PHF3: variants seen among roughly 807,000 people sequenced by gnomAD.
PHF3 encodes PHD finger protein 3.
PHF3 carries 41 observed loss-of-function variants against 178.4 expected under a neutral mutation model. The observed-to-expected ratio is 0.23, with a 90% CI of 0.18 to 0.30. The LOEUF (loss-of-function observed/expected upper bound fraction) is 0.30, where lower values mean the gene tolerates loss of function less well. Among genes scored for constraint, PHF3 ranks in the 10% least tolerant of loss-of-function variants. PHF3 has a pLI of 1.00. For synonymous variants in PHF3, 842 were observed against 800.5 expected, an observed-to-expected ratio of 1.05 and a Z score of -0.88; for missense variants, 2,346 against 2,398.1, an observed-to-expected ratio of 0.98 and a Z score of 0.45.
At chr6:63,658,445 G>A (rs573402214) in intron 2 of PHF3, among the ~76,000 whole-genome samples, 1 of 152,178 alleles carries the variant, frequency 6.6e-6, no homozygotes, top group African/African-American at 2.4e-5. Context: ...GATGTACAAA[G>A]TCTGCCATAT....
chr6:63,666,089 T>C (rs1765670232), intron 2 of PHF3, among the ~76,000 whole-genome samples: 1 of 152,290 alleles, frequency 6.6e-6, no homozygotes, highest in African/African-American at 2.4e-5. Context: ...ACCGCTTTAG[T>C]TATACACACC....
intron 2 of PHF3, among the ~76,000 whole-genome samples, chr6:63,677,619 C>T (rs184514952): frequency 6.6e-6 from 1 of 152,300 alleles, no homozygotes; most frequent in Non-Finnish European, 1.5e-5. Context: ...ATCAGGCTTT[C>T]CTTCTGGTCT....
Position 63,712,344 on chromosome 6 carries a change from G to T in PHF3, c.4756G>T (p.Val1586Leu). 6.2e-7 allele frequency: 1 copy of T among 1,613,500 alleles called. No individual in the cohort carries two copies. Among genetic ancestry groups the T allele is most frequent in the Admixed American group, 1.7e-5 (1 of 59,866 alleles). Reference protein sequence around the residue: ...LSIQSKQEETVESKEKTLKRQ... With the variant: ...LSIQSKQEETLESKEKTLKRQ... ...AATTCAGTCAAAACAAGAGGAAACTGTGGAGAGTAAAGAGAAAACATTAAA... is the reference window on the plus strand; with the variant it reads ...AATTCAGTCAAAACAAGAGGAAACTTTGGAGAGTAAAGAGAAAACATTAAA... Residue 1586 changes from valine to leucine, a missense_variant, in exon 16 of 16, where the codon GTG becomes TTG. Physicochemically the swap from Val to Leu is conservative, Grantham distance 32 (BLOSUM62 1). This residue lies in a region of PHF3 where 839 missense variants were observed against 806.9 expected (regional missense o/e 1.04). Transcript: ENST00000262043.
intron 6 of PHF3, 97 bp downstream of exon 6, chr6:63,694,861 C>A: frequency 1.4e-6 from 1 of 696,532 alleles, no homozygotes; most frequent in Non-Finnish European, 2.0e-6. Flanking sequence ...ACAAATTTAA[C>A]ATTATTAAAT....
rs149128495 is a variant in PHF3 at position 63,652,892 on chromosome 6, G to T, written c.244+6097G>T. Among the ~76,000 whole-genome samples the T allele has an allele frequency of 3.0e-3, 458 of 152,040 alleles. 2 individuals carry two copies. The highest frequency in any genetic ancestry group is 5.8e-3 in the Non-Finnish European group (392 of 67,950). ...CTTTTTCTGTTCCATTGGTGTGTAT[G>T]TCTGTTCTTAGGCCAGTACCATGCT... On this transcript the variant is annotated intron_variant, in intron 2 of 15. Coordinates refer to ENST00000262043, the MANE Select transcript of PHF3 (RefSeq NM_001370348.2).
intron 2 of PHF3, among the ~76,000 whole-genome samples, chr6:63,648,208 A>G (rs1265996435): frequency 1.3e-5 from 2 of 152,166 alleles, no homozygotes; most frequent in Non-Finnish European, 2.9e-5. Context: ...CTGTTGTTGT[A>G]TTCTAAATGT....
chr6:63,667,117 T>G (rs954882582), intron 2 of PHF3, among the ~76,000 whole-genome samples: 1 of 152,090 alleles, frequency 6.6e-6, no homozygotes, highest in African/African-American at 2.4e-5. Flanking sequence ...AGTGCTGGGA[T>G]TACAGATATG....
chr6:63,667,848 C>CTCTA (rs1404801373), intron 2 of PHF3, among the ~76,000 whole-genome samples: 1 of 152,144 alleles, frequency 6.6e-6, no homozygotes, highest in Non-Finnish European at 1.5e-5. Flanking sequence ...ACATATTTGG[C>CTCTA]ATTCGGAAAA....
At chr6:63,700,836 C>A (rs907140876) in intron 9 of PHF3, among the ~76,000 whole-genome samples, 1 of 152,198 alleles carries the variant, frequency 6.6e-6, no homozygotes, top group African/African-American at 2.4e-5. Flanking sequence ...CCCACCTCAG[C>A]CTCCCAAAGT....
At chr6:63,664,094 T>C (rs140756394) in intron 2 of PHF3, among the ~76,000 whole-genome samples, 34 of 152,220 alleles carry the variant, frequency 2.2e-4, no homozygotes, top group African/African-American at 7.7e-4. Flanking sequence ...GGCTGAATGG[T>C]TATTGGGCAA....
intron 2 of PHF3, among the ~76,000 whole-genome samples, chr6:63,664,078 G>A (rs75054797): frequency 0.012 from 1,824 of 152,180 alleles, 31 homozygotes; most frequent in African/African-American, 0.042. Context: ...GTAAATGAGG[G>A]AGAATGGCTG....
chr6:63,692,995 C>T lies in PHF3; in HGVS notation c.2496+952C>T, dbSNP rs79846048. Among the ~76,000 whole-genome samples, 1,405 of 152,264 alleles carry T rather than the reference C, an allele frequency of 9.2e-3. 8 individuals are homozygous for T. Among genetic ancestry groups the T allele is most frequent in the Non-Finnish European group, 0.014 (942 of 68,028 alleles). On this transcript the variant is annotated intron_variant, in intron 5 of 15. Coordinates refer to ENST00000262043, the MANE Select transcript of PHF3 (RefSeq NM_001370348.2). ...CCGTTTCTTTCAGGCATTCCTTGTA[C>T]GACAAATCTGGATTAAGTTCTAGTT...
At chr6:63,672,437 C>G (rs1053603651) in intron 2 of PHF3, among the ~76,000 whole-genome samples, 1 of 152,064 alleles carries the variant, frequency 6.6e-6, no homozygotes, top group Non-Finnish European at 1.5e-5. Context: ...CAGAGCTAAT[C>G]GAAATGAAAA....
rs1193854963 is a variant in PHF3, at chr6:63,685,352, C to A, written c.1630C>A (p.Pro544Thr). The change falls in exon 4 of 16, where the codon CCA (proline) becomes ACA (threonine). Residue 544 changes from proline (P) to threonine (T), a missense_variant. Pro to Thr is a conservative substitution (Grantham distance 38). Transcript: ENST00000262043. ...AGAATCTCAGCAAAATTTTCATAGG[C>A]CAGTCAAAGTCAGAAAAAAACAAAT... Reference protein sequence around the residue: ...VPESQQNFHRPVKVRKKQIDK... With the variant: ...VPESQQNFHRTVKVRKKQIDK... The A allele has an allele frequency of 9.3e-6, 15 of 1,613,780 alleles. No homozygotes were observed. Among genetic ancestry groups the A allele is most frequent in the Non-Finnish European group, 1.3e-5 (15 of 1,179,972 alleles).
chr6:63,660,710 G>A (rs148883814), intron 2 of PHF3, among the ~76,000 whole-genome samples: 21 of 152,208 alleles, frequency 1.4e-4, no homozygotes, highest in South Asian at 4.2e-4. Context: ...AGAAAGCAAG[G>A]TCCTGACCAC....
At chr6:63,672,960 C>T (rs1180220713) in intron 2 of PHF3, among the ~76,000 whole-genome samples, 2 of 152,126 alleles carry the variant, frequency 1.3e-5, no homozygotes, top group Non-Finnish European at 2.9e-5. Flanking sequence ...TTTGTTCTGA[C>T]CAAGAGGCAC....
At chr6:63,690,239 TA>T (rs1237506177) in intron 4 of PHF3, among the ~76,000 whole-genome samples, 3 of 152,136 alleles carry the variant, frequency 2.0e-5, no homozygotes, top group African/African-American at 7.2e-5. Context: ...TATTCTATAT[TA>T]TTTTTTTAAA....
chr6:63,653,019 GTT>G (rs371116514), intron 2 of PHF3, among the ~76,000 whole-genome samples: 1,524 of 126,954 alleles, frequency 0.012, 27 homozygotes, highest in African/African-American at 0.043. Flanking sequence ...ATGTTGGCTA[GTT>G]TTTTTTTTTT....
intron 2 of PHF3, 68 bp downstream of exon 2, chr6:63,646,863 C>CTTTTTCTTTTTTCTT: frequency 9.4e-7 from 1 of 1,064,198 alleles, no homozygotes; most frequent in Non-Finnish European, 1.2e-6. Context: ...TTTTCAGCAG[C>CTTTTTCTTTTTTCTT]TTTTTCTTTT....
Sources: allele counts gnomAD v4.1 joint callset (sites outside exome capture counted in the v4.1 genomes callset), GRCh38; gene constraint gnomAD v4.1.1; regional missense constraint gnomAD v4.1.1; transcripts MANE v1.5; gene names NCBI Gene and HGNC (gene_info 2026-07-23, HGNC 2026-07-21).